Variants in GRM8 observed in about 807,000 individuals in gnomAD.
The protein encoded by GRM8 is metabotropic glutamate receptor 8.
GRM8 carries 47 observed loss-of-function variants against 87.2 expected under a neutral mutation model. The ratio of observed to expected loss-of-function variants is 0.54; its 90% confidence interval spans 0.43 to 0.69. The LOEUF (loss-of-function observed/expected upper bound fraction) is 0.69, where lower values mean the gene tolerates loss of function less well. GRM8 is among the 30% of genes least tolerant of loss of function. The pLI, the probability that GRM8 is intolerant of heterozygous loss-of-function variation, is 0.00. For synonymous variants in GRM8, 396 were observed against 404.5 expected (o/e 0.98, Z 0.25); for missense variants, 1,019 against 1,139.2 (o/e 0.89, Z 1.52).
intron 6 of GRM8, among the ~76,000 whole-genome samples, chr7:126,829,895 C>T (rs1166537086): frequency 1.3e-5 from 2 of 151,856 alleles, no homozygotes; most frequent in Non-Finnish European, 2.9e-5. Context: ...TAGGGCAGGC[C>T]TGGTGGTGAC....
intron 6 of GRM8, among the ~76,000 whole-genome samples, chr7:126,845,201 T>G (rs1339694610): frequency 3.9e-5 from 6 of 152,238 alleles, no homozygotes; most frequent in African/African-American, 1.4e-4. Context: ...CTTTAAGGGC[T>G]GCCTTATATC....
At chr7:126,717,357 A>C (rs976222622) in intron 7 of GRM8, among the ~76,000 whole-genome samples, 2 of 151,968 alleles carry the variant, frequency 1.3e-5, no homozygotes, top group Non-Finnish European at 2.9e-5. Flanking sequence ...AGTTGTGGAG[A>C]TTTCATGTAG....
Position 127,048,207 on chromosome 7 carries a change from T to C in GRM8, c.727+58289A>G, listed in dbSNP as rs1192083890. Among the ~76,000 whole-genome samples, 3 of 149,924 alleles carry C rather than the reference T, an allele frequency of 2.0e-5. No individual in the cohort carries two copies. In the East Asian group the frequency reaches 5.8e-4, roughly 29 times the overall value. ...TTGTGTAAAGGATATTCAGCAGGCC[T>C]CTTTGCAAAGGTGCCATCTAAACAA... On this transcript the variant is annotated intron_variant, in intron 3 of 10. Transcript: ENST00000339582.
chr7:127,193,523 C>T (rs192812503), intron 2 of GRM8, among the ~76,000 whole-genome samples: 2 of 152,274 alleles, frequency 1.3e-5, no homozygotes, highest in East Asian at 1.9e-4. Flanking sequence ...AATGTGAGGT[C>T]GGTTAATTCT....
chr7:126,813,828 CAACTTTTAT>C, intron 6 of GRM8, among the ~76,000 whole-genome samples: 1 of 152,150 alleles, frequency 6.6e-6, no homozygotes, highest in East Asian at 1.9e-4. Context: ...TGGGGCATAC[CAACTTTTAT>C]AACAAGTAAC....
chr7:127,114,416 TAC>T (rs1164648448), intron 2 of GRM8, among the ~76,000 whole-genome samples: 3 of 152,190 alleles, frequency 2.0e-5, no homozygotes, highest in Non-Finnish European at 4.4e-5. Flanking sequence ...AAGCTTTACA[TAC>T]ACACCTGCAC....
intron 9 of GRM8, among the ~76,000 whole-genome samples, chr7:126,461,661 C>A (rs1333709272): frequency 6.6e-6 from 1 of 151,588 alleles, no homozygotes; most frequent in Non-Finnish European, 1.5e-5. Flanking sequence ...TATCTGCCAT[C>A]AGTTGCCTTC....
intron 1 of GRM8, among the ~76,000 whole-genome samples, chr7:127,245,508 T>A (rs2116895204): frequency 1.3e-5 from 2 of 152,306 alleles, no homozygotes; most frequent in Middle Eastern, 6.8e-3. Context: ...TCACAATGCA[T>A]CCTTACCTAT....
At position 127,051,610 on chromosome 7, in the gene GRM8, G is replaced by A. The variant is rs572508871; in HGVS notation, c.727+54886C>T. 5.3e-5 allele frequency among the ~76,000 whole-genome samples: 8 copies of A among 151,346 alleles called. No homozygotes were observed. In the South Asian group the frequency reaches 1.7e-3, roughly 32 times the overall value. On this transcript the variant is annotated intron_variant, in intron 3 of 10. Transcript: ENST00000339582. ...TAATTATGGCACCATTTCCAACAAT[G>A]AAAAATTATCCAAATACAAATTAAC...
intron 3 of GRM8, among the ~76,000 whole-genome samples, chr7:126,908,126 C>T (rs1319242199): frequency 6.6e-6 from 1 of 151,984 alleles, no homozygotes; most frequent in Non-Finnish European, 1.5e-5. Flanking sequence ...GAATCTGGAG[C>T]TAAAGAGAGA....
chr7:127,153,535 G>A (rs185829689), intron 2 of GRM8, among the ~76,000 whole-genome samples: 8 of 152,182 alleles, frequency 5.3e-5, no homozygotes, highest in East Asian at 1.9e-4. Context: ...TTGAGAAAGC[G>A]GAAGTGGGGA....
chr7:126,933,927 T>A (rs911402889), intron 3 of GRM8, among the ~76,000 whole-genome samples: 1 of 152,196 alleles, frequency 6.6e-6, no homozygotes, highest in African/African-American at 2.4e-5. Context: ...CTTAATCACT[T>A]CATTCTTTGC....
chr7:126,665,502 A>C (rs1805660323), intron 7 of GRM8, among the ~76,000 whole-genome samples: 1 of 152,232 alleles, frequency 6.6e-6, no homozygotes, highest in Non-Finnish European at 1.5e-5. Flanking sequence ...ATGCAGGAAC[A>C]GAAAACCACA....
chr7:127,058,290 C>A, intron 3 of GRM8: 1 of 363,288 alleles, frequency 2.8e-6, no homozygotes, highest in Non-Finnish European at 5.3e-6. Flanking sequence ...GGTTGGTAGG[C>A]GAGAACAGCA....
chr7:126,560,297 T>A (rs570828083), intron 8 of GRM8, among the ~76,000 whole-genome samples: 3 of 152,316 alleles, frequency 2.0e-5, no homozygotes, highest in Non-Finnish European at 2.9e-5. Context: ...ATATGGCTTA[T>A]AAAACCTATG....
At chr7:126,492,288 T>A (rs1808111791) in intron 9 of GRM8, among the ~76,000 whole-genome samples, 1 of 151,932 alleles carries the variant, frequency 6.6e-6, no homozygotes, top group Non-Finnish European at 1.5e-5. Context: ...TGGACTCAAG[T>A]GATTCACCTG....
At chr7:126,465,021 T>A (rs1340853821) in intron 9 of GRM8, among the ~76,000 whole-genome samples, 1 of 151,704 alleles carries the variant, frequency 6.6e-6, no homozygotes, top group Admixed American at 6.6e-5. Context: ...TTTTCCTTAC[T>A]CTCCTAGCAT....
chr7:126,763,689 A>C (rs1350344460), intron 7 of GRM8, among the ~76,000 whole-genome samples: 1 of 106,322 alleles, frequency 9.4e-6, no homozygotes, highest in Non-Finnish European at 2.3e-5. Context: ...TAAGTGTTAA[A>C]TGTTTGGTAG....
intron 2 of GRM8, among the ~76,000 whole-genome samples, chr7:127,148,119 C>A (rs1828649133): frequency 6.6e-6 from 1 of 152,004 alleles, no homozygotes; most frequent in Non-Finnish European, 1.5e-5. Context: ...AAGCCTTGAC[C>A]TTCCCCATAC....
Sources: allele counts gnomAD v4.1 joint callset (sites outside exome capture counted in the v4.1 genomes callset), GRCh38; gene constraint gnomAD v4.1.1; transcripts MANE v1.5; gene names NCBI Gene and HGNC (gene_info 2026-07-23, HGNC 2026-07-21).